PCSK5: variants seen among roughly 807,000 people sequenced by gnomAD.
PCSK5 encodes prohormone convertase 5.
Under a neutral mutation model 233.2 loss-of-function variants are expected in PCSK5, and 129 were observed. That is an observed-to-expected ratio of 0.55 (90% CI 0.48 to 0.64). The LOEUF (loss-of-function observed/expected upper bound fraction) is 0.64, where lower values mean the gene tolerates loss of function less well. Ranked by LOEUF, PCSK5 falls within the 30% of genes least tolerant of loss-of-function variation. The pLI, the probability that PCSK5 is intolerant of heterozygous loss-of-function variation, is 0.00. For missense variants in PCSK5, 2,076 were observed against 2,430.1 expected (o/e 0.85, Z 3.06); for synonymous variants, 825 against 879.2 (o/e 0.94, Z 1.09).
chr9:76,139,160 G>T (rs1248901656), intron 10 of PCSK5, among the ~76,000 whole-genome samples: 1 of 152,076 alleles, frequency 6.6e-6, no homozygotes, highest in Non-Finnish European at 1.5e-5. Flanking sequence ...TACCTGTCTT[G>T]CTTTCAGTTT....
At chr9:76,118,410 G>A (rs547503565) in intron 9 of PCSK5, among the ~76,000 whole-genome samples, 1 of 151,898 alleles carries the variant, frequency 6.6e-6, no homozygotes, top group South Asian at 2.1e-4. Context: ...TCCTTACTTA[G>A]CAATGAAAGT....
At chr9:75,984,539 A>G (rs180689048) in intron 2 of PCSK5, among the ~76,000 whole-genome samples, 31 of 152,336 alleles carry the variant, frequency 2.0e-4, no homozygotes, top group Non-Finnish European at 3.7e-4. Context: ...ATACTTATAG[A>G]CAGTAATATA....
intron 9 of PCSK5, among the ~76,000 whole-genome samples, chr9:76,123,134 G>C (rs1313106332): frequency 6.6e-6 from 1 of 152,106 alleles, no homozygotes; most frequent in Admixed American, 6.6e-5. Context: ...GTGAGCCACT[G>C]CGCCCGGCCT....
chr9:76,182,582 G>A (rs1371281243), intron 16 of PCSK5, among the ~76,000 whole-genome samples: 1 of 150,564 alleles, frequency 6.6e-6, no homozygotes, highest in Non-Finnish European at 1.5e-5. Flanking sequence ...ACAAAAATGT[G>A]TACCTTAACA....
intron 2 of PCSK5, among the ~76,000 whole-genome samples, chr9:75,951,039 C>G (rs1824833283): frequency 6.6e-6 from 1 of 152,172 alleles, no homozygotes; most frequent in Non-Finnish European, 1.5e-5. Context: ...TGTTCCTTCA[C>G]AGGAGAAAGT....
chr9:76,346,397 T>C (rs1829982123), intron 35 of PCSK5, among the ~76,000 whole-genome samples: 1 of 152,142 alleles, frequency 6.6e-6, no homozygotes, highest in Admixed American at 6.5e-5. Context: ...TTCATCCACA[T>C]AGTATCCTTG....
chr9:75,930,396 C>A (rs528131964), intron 1 of PCSK5, among the ~76,000 whole-genome samples: 1 of 152,118 alleles, frequency 6.6e-6, no homozygotes, highest in African/African-American at 2.4e-5. Context: ...CCACACAGGC[C>A]CCTAGGTCGG....
chr9:76,025,003 G>A (rs962050256), intron 4 of PCSK5, among the ~76,000 whole-genome samples: 2 of 152,022 alleles, frequency 1.3e-5, no homozygotes, highest in African/African-American at 4.8e-5. Flanking sequence ...AAATTAGTAA[G>A]GTACATTAGA....
intron 5 of PCSK5, among the ~76,000 whole-genome samples, chr9:76,043,622 C>T (rs1829231097): frequency 6.6e-6 from 1 of 152,026 alleles, no homozygotes; most frequent in Non-Finnish European, 1.5e-5. Context: ...AATGTGTTCA[C>T]TAAGAAATTT....
intron 3 of PCSK5, among the ~76,000 whole-genome samples, chr9:75,987,448 C>A (rs543168775): frequency 2.5e-4 from 38 of 152,296 alleles, no homozygotes; most frequent in Non-Finnish European, 5.1e-4. Flanking sequence ...GCAAGCTCTG[C>A]ATCTTGATCC....
chr9:76,021,684 T>C (rs1194024985), intron 3 of PCSK5, among the ~76,000 whole-genome samples: 1 of 152,152 alleles, frequency 6.6e-6, no homozygotes, highest in Non-Finnish European at 1.5e-5. Context: ...TACTCAAATG[T>C]ATTTATAACA....
At chr9:76,187,601 G>C (rs1251147658) in intron 17 of PCSK5, among the ~76,000 whole-genome samples, 1 of 152,066 alleles carries the variant, frequency 6.6e-6, no homozygotes, top group Non-Finnish European at 1.5e-5. Context: ...GGCTTCGAGT[G>C]ATCCACCCAC....
In PCSK5 at chr9:76,065,369, T is replaced by C. The variant is rs139764154; in HGVS notation, c.633-2586T>C. ...TTGATAATAGTCACCTTAACCAGGG[T>C]AAGATATCTCGTGGTGGCTGATTTG... On this transcript the variant is annotated intron_variant, in intron 5 of 37. Coordinates refer to ENST00000674117, the MANE Select transcript of PCSK5 (RefSeq NM_001372043.1). 3.5e-4 allele frequency among the ~76,000 whole-genome samples: 53 copies of C among 152,350 alleles called. 1 individual carries two copies. In the East Asian group the frequency reaches 9.2e-3, roughly 27 times the overall value.
intron 24 of PCSK5, among the ~76,000 whole-genome samples, chr9:76,247,460 A>C (rs142605783): frequency 0.022 from 3,333 of 151,690 alleles, 102 homozygotes; most frequent in South Asian, 0.12. Flanking sequence ...TATTTCTTTA[A>C]CTCCTGTCTT....
rs373649072 is a variant in PCSK5 at position 76,184,688 on chromosome 9, G to A, written c.2213G>A (p.Arg738Gln). 2.0e-5 allele frequency: 32 copies of A among 1,607,838 alleles called. No individual in the cohort carries two copies. The highest frequency in any genetic ancestry group is 2.5e-5 in the Non-Finnish European group (29 of 1,175,628). Residue 738 changes from arginine to glutamine, a missense_variant, in exon 17 of 38, where the codon CGG becomes CAG. Physicochemically the swap from Arg to Gln is conservative, Grantham distance 43. This residue lies in a region of PCSK5 where 1,510 missense variants were observed against 1,538.1 expected (regional missense o/e 0.98). Transcript: ENST00000674117. ...SYQDTKKNLC[R>Q]KCSENCKTCT... ...TTTTTAACAGAGAAAAATCTTTGCC[G>A]GAAATGCAGTGAAAACTGCAAGACA...
chr9:76,247,071 C>A (rs1240396282), intron 24 of PCSK5, among the ~76,000 whole-genome samples: 1 of 152,110 alleles, frequency 6.6e-6, no homozygotes, highest in Non-Finnish European at 1.5e-5. Flanking sequence ...GTGTTCAGCT[C>A]GATTAGGATG....
intron 24 of PCSK5, among the ~76,000 whole-genome samples, chr9:76,272,493 A>G (rs1827546574): frequency 6.6e-6 from 1 of 151,978 alleles, no homozygotes. Flanking sequence ...TCATACTCCC[A>G]GCCAGGCGCA....
At chr9:76,032,138 A>G (rs1828676619) in intron 5 of PCSK5, among the ~76,000 whole-genome samples, 1 of 152,208 alleles carries the variant, frequency 6.6e-6, no homozygotes. Context: ...AGGAATTTGT[A>G]ATTATCATCA....
chr9:76,216,224 G>A (rs1825525526), intron 20 of PCSK5, among the ~76,000 whole-genome samples: 4 of 152,252 alleles, frequency 2.6e-5, no homozygotes, highest in Non-Finnish European at 1.5e-5. Context: ...TGCCACTGGT[G>A]GAACCCGGCG....
Sources: allele counts gnomAD v4.1 joint callset (sites outside exome capture counted in the v4.1 genomes callset), GRCh38; gene constraint gnomAD v4.1.1; regional missense constraint gnomAD v4.1.1; transcripts MANE v1.5; gene names NCBI Gene and HGNC (gene_info 2026-07-23, HGNC 2026-07-21).